Variants in TMIGD3 observed in about 807,000 individuals in gnomAD.
TMIGD3 encodes the protein transmembrane and immunoglobulin domain containing 3.
A neutral mutation model predicts 28.1 loss-of-function variants in TMIGD3; 21 were observed. That is an observed-to-expected ratio of 0.75 (90% CI 0.53 to 1.08). The LOEUF is 1.08. Among genes scored for constraint, TMIGD3 ranks in the 50% least tolerant of loss-of-function variants. The pLI is 0.00. For synonymous variants in TMIGD3, 151 were observed against 162.1 expected (o/e 0.93, Z 0.52); for missense variants, 416 against 435.6 (o/e 0.96, Z 0.40).
At chr1:111,527,590 G>A (rs1008675373) in intron 1 of TMIGD3, among the ~76,000 whole-genome samples, 4 of 152,162 alleles carry the variant, frequency 2.6e-5, no homozygotes, top group African/African-American at 7.2e-5. Flanking sequence ...CTGCCAAACT[G>A]TCTTCCAAAG....
chr1:111,521,894 A>C (rs934748974), intron 1 of TMIGD3, among the ~76,000 whole-genome samples: 18 of 152,208 alleles, frequency 1.2e-4, no homozygotes, highest in African/African-American at 4.3e-4. Context: ...TTTTAGTCTT[A>C]TATTCAAGTC....
At chr1:111,498,977 G>A (rs1411293884) in intron 1 of TMIGD3, among the ~76,000 whole-genome samples, 1 of 151,748 alleles carries the variant, frequency 6.6e-6, no homozygotes, top group Non-Finnish European at 1.5e-5. Context: ...CCTGGTCCCA[G>A]TCACTTGGGA....
intron 1 of TMIGD3, among the ~76,000 whole-genome samples, chr1:111,515,201 T>C (rs1215245138): frequency 1.3e-5 from 2 of 152,188 alleles, no homozygotes; most frequent in African/African-American, 2.4e-5. Context: ...GAGTGAGACC[T>C]AGTTTCTTGA....
At chr1:111,485,906 A>T (rs1309921033) in intron 4 of TMIGD3, 66 bp from the exon 5 acceptor site, 2 of 1,324,164 alleles carry the variant, frequency 1.5e-6, no homozygotes, top group South Asian at 1.3e-5. Context: ...TCAGCTCTGG[A>T]TCCCTTTTTC....
chr1:111,561,123 G>GGTGT (rs1553208395), intron 1 of TMIGD3, among the ~76,000 whole-genome samples: 4 of 151,988 alleles, frequency 2.6e-5, no homozygotes, highest in African/African-American at 9.7e-5. Flanking sequence ...TTTGTTTGTT[G>GGTGT]GTTTGTTTGT....
chr1:111,536,729 C>T (rs1656653333), intron 1 of TMIGD3, among the ~76,000 whole-genome samples: 1 of 151,996 alleles, frequency 6.6e-6, no homozygotes, highest in South Asian at 2.1e-4. Context: ...TGTTAATTAC[C>T]CATTAAATAT....
At chr1:111,531,434 G>A (rs1479871446) in intron 1 of TMIGD3, among the ~76,000 whole-genome samples, 3 of 152,064 alleles carry the variant, frequency 2.0e-5, no homozygotes, top group Non-Finnish European at 4.4e-5. Flanking sequence ...TTCATCTCCA[G>A]AACTTCATTC....
upstream of TMIGD3, chr1:111,504,150 C>T: frequency 3.0e-6 from 3 of 985,342 alleles, no homozygotes; most frequent in Non-Finnish European, 2.4e-6. Context: ...GCAAAGATTC[C>T]CTGCTCAGAA....
At chr1:111,541,507 A>G (rs1182324287) in intron 1 of TMIGD3, among the ~76,000 whole-genome samples, 1 of 152,224 alleles carries the variant, frequency 6.6e-6, no homozygotes, top group Non-Finnish European at 1.5e-5. Context: ...TTAATTTGGG[A>G]CATGCCAAGT....
At chr1:111,504,190 TCA>T, upstream of TMIGD3, 4 of 929,178 alleles carry the variant, frequency 4.3e-6, no homozygotes, top group Non-Finnish European at 5.1e-6. Flanking sequence ...CTGAGAAGCA[TCA>T]CACCTGCTTA....
chr1:111,552,399 A>G (rs1334961631), intron 1 of TMIGD3, among the ~76,000 whole-genome samples: 2 of 152,204 alleles, frequency 1.3e-5, no homozygotes, highest in African/African-American at 4.8e-5. Context: ...TTTTTCCTGA[A>G]TACGTGTTCC....
At chr1:111,537,252 T>C (rs942189216) in intron 1 of TMIGD3, among the ~76,000 whole-genome samples, 3 of 152,244 alleles carry the variant, frequency 2.0e-5, no homozygotes, top group East Asian at 3.8e-4. Context: ...CAAATTGCTG[T>C]ATGCCTATTT....
chr1:111,485,710 C>T, intron 5 of TMIGD3, 30 bp downstream of exon 5: 1 of 910,776 alleles, frequency 1.1e-6, no homozygotes, highest in South Asian at 1.4e-5. Flanking sequence ...TAATTCTTGC[C>T]CACCCCCTCC....
chr1:111,541,681 A>G (rs980395957), intron 1 of TMIGD3, among the ~76,000 whole-genome samples: 1 of 139,972 alleles, frequency 7.1e-6, no homozygotes, highest in Non-Finnish European at 1.5e-5. Context: ...AGAGAGAGAA[A>G]GAGAGAGAGA....
Position 111,486,078 on chromosome 1 carries a change from T to C in TMIGD3, c.873-238A>G, listed in dbSNP as rs191246393. Among the ~76,000 whole-genome samples, 72 of 152,092 alleles carry C rather than the reference T, an allele frequency of 4.7e-4. No homozygotes were observed. In the South Asian group the frequency reaches 8.1e-3, roughly 17 times the overall value. On this transcript the variant is annotated intron_variant, in intron 4 of 5. Transcript: ENST00000369716. ...CCCTTCCTCAGAAATTAACTGTGGA[T>C]TGGGAATAGGAGAATCCAGTCTCAG... is the stretch of plus-strand genomic sequence containing the variant.
intron 1 of TMIGD3, among the ~76,000 whole-genome samples, chr1:111,528,378 C>G (rs1245650480): frequency 1.3e-5 from 2 of 152,136 alleles, no homozygotes; most frequent in African/African-American, 4.8e-5. Context: ...ATCTACTTGT[C>G]TGTTCATTTG....
intron 1 of TMIGD3, among the ~76,000 whole-genome samples, chr1:111,541,646 A>G (rs879115168): frequency 6.6e-6 from 1 of 152,018 alleles, no homozygotes; most frequent in Admixed American, 6.6e-5. Flanking sequence ...CACAAGAATA[A>G]AAGAGGTAAC....
intron 1 of TMIGD3, among the ~76,000 whole-genome samples, chr1:111,511,462 C>G (rs1359326303): frequency 6.6e-6 from 1 of 152,126 alleles, no homozygotes; most frequent in Non-Finnish European, 1.5e-5. Context: ...TTTGGAAGAC[C>G]TCTTCCTCAA....
At chr1:111,522,688 T>C (rs1656117035) in intron 1 of TMIGD3, among the ~76,000 whole-genome samples, 1 of 152,098 alleles carries the variant, frequency 6.6e-6, no homozygotes, top group African/African-American at 2.4e-5. Context: ...AGCTATTTTT[T>C]TGTACTTTTA....
Sources: allele counts gnomAD v4.1 joint callset (sites outside exome capture counted in the v4.1 genomes callset), GRCh38; gene constraint gnomAD v4.1.1; transcripts MANE v1.5; gene names NCBI Gene and HGNC (gene_info 2026-07-23, HGNC 2026-07-21).